Variants in MYO1E observed in about 807,000 individuals in gnomAD.
The protein encoded by MYO1E is unconventional myosin-Ie.
Under a neutral mutation model 151.1 loss-of-function variants are expected in MYO1E, and 68 were observed. The ratio of observed to expected loss-of-function variants is 0.45; its 90% CI spans 0.37 to 0.55. The LOEUF (loss-of-function observed/expected upper bound fraction) is 0.55, where lower values mean the gene tolerates loss of function less well. Ranked by LOEUF, MYO1E falls within the 20% of genes least tolerant of loss-of-function variation. The pLI is 0.00. For missense variants in MYO1E, 1,363 were observed against 1,389.3 expected (o/e 0.98, Z 0.30); for synonymous variants, 601 against 501.7 (o/e 1.20, Z -2.64).
intron 1 of MYO1E, among the ~76,000 whole-genome samples, chr15:59,275,187 T>C (rs1004386503): frequency 1.4e-4 from 21 of 152,194 alleles, no homozygotes; most frequent in African/African-American, 4.8e-4. Flanking sequence ...GACTGACTTA[T>C]TGGATATTTC....
chr15:59,243,015 G>A (rs990893164), intron 4 of MYO1E, among the ~76,000 whole-genome samples: 10 of 151,708 alleles, frequency 6.6e-5, no homozygotes, highest in African/African-American at 1.2e-4. Context: ...GGGGGCCAAC[G>A]GAGTTGGGAT....
At chr15:59,244,568 A>G (rs1253681214) in intron 4 of MYO1E, among the ~76,000 whole-genome samples, 2 of 152,170 alleles carry the variant, frequency 1.3e-5, no homozygotes, top group African/African-American at 2.4e-5. Context: ...GCACCTCATG[A>G]CTGAAAGTGG....
At chr15:59,359,326 AT>A (rs373414121) in intron 1 of MYO1E, among the ~76,000 whole-genome samples, 1,551 of 136,482 alleles carry the variant, frequency 0.011, 25 homozygotes, top group African/African-American at 0.04. Flanking sequence ...ATATATATAT[AT>A]TTTTTTTTTT....
intron 1 of MYO1E, among the ~76,000 whole-genome samples, chr15:59,327,353 G>A (rs1454362166): frequency 1.3e-5 from 2 of 150,782 alleles, no homozygotes; most frequent in Non-Finnish European, 2.9e-5. Flanking sequence ...CAGAGATGGG[G>A]TCTCACTCTA....
chr15:59,341,941 C>T (rs1370211969), intron 1 of MYO1E, among the ~76,000 whole-genome samples: 1 of 152,194 alleles, frequency 6.6e-6, no homozygotes, highest in African/African-American at 2.4e-5. Context: ...TAAGGAACCG[C>T]CCTTCTGTTC....
chr15:59,136,277 T>C lies in MYO1E; in HGVS notation c.*1103A>G, dbSNP rs769081178. ...AAGACTCTATTTCCAAATAAGGTCA[T>C]ATTGTGAGGTACTGGTGGCTGGGAC... is the stretch of plus-strand genomic sequence containing the variant. On this transcript the variant is annotated 3_prime_UTR_variant, in exon 28 of 28. Transcript: ENST00000288235. The C allele has an allele frequency of 3.8e-4, 60 of 158,194 alleles. No homozygotes were observed. Among genetic ancestry groups the C allele is most frequent in the Admixed American group, 6.7e-4 (11 of 16,506 alleles). 9.8% of individuals were successfully genotyped at this position (158,194 alleles called of 1,614,324 possible).
intron 1 of MYO1E, among the ~76,000 whole-genome samples, chr15:59,369,055 T>C (rs2080930347): frequency 6.6e-6 from 1 of 152,212 alleles, no homozygotes; most frequent in Non-Finnish European, 1.5e-5. Context: ...TTGTGTTGTT[T>C]TGACTAGGAG....
At chr15:59,202,856 C>G (rs1454987112) in intron 15 of MYO1E, among the ~76,000 whole-genome samples, 1 of 152,152 alleles carries the variant, frequency 6.6e-6, no homozygotes, top group Non-Finnish European at 1.5e-5. Context: ...ATCTTCCCAC[C>G]TCCGCCTCCT....
At chr15:59,145,671 C>T (rs2079437122) in intron 26 of MYO1E, among the ~76,000 whole-genome samples, 1 of 152,134 alleles carries the variant, frequency 6.6e-6, no homozygotes, top group Non-Finnish European at 1.5e-5. Flanking sequence ...GGATTACAGT[C>T]GTGAGCCACT....
chr15:59,182,700 T>C (rs1251353714), intron 18 of MYO1E, among the ~76,000 whole-genome samples: 1 of 152,188 alleles, frequency 6.6e-6, no homozygotes, highest in Non-Finnish European at 1.5e-5. Flanking sequence ...TTTCACAAAA[T>C]GCCTACTCAG....
rs1166617606 is a variant in MYO1E at position 59,174,206 on chromosome 15, T to C, written c.2084A>G (p.Tyr695Cys). 1 of 1,613,930 alleles carries C rather than the reference T, an allele frequency of 6.2e-7. No individual in the cohort carries two copies. ...CTGTATCACTCGAGCATACCCATCA[T>C]ACTTTCTCTCTCTCATCTCTTCTAA... ...FLLEEMRERK[Y>C]DGYARVIQKS... The change falls in exon 20 of 28, where the codon TAT becomes TGT. Residue 695 changes from tyrosine to cysteine, a missense_variant. By Grantham distance (194) the Tyr-to-Cys change is radical. Coordinates refer to ENST00000288235, the MANE Select transcript of MYO1E (RefSeq NM_004998.4).
chr15:59,231,601 A>G (rs779372930), intron 6 of MYO1E, 101 bp downstream of exon 6: 6 of 1,233,844 alleles, frequency 4.9e-6, no homozygotes, highest in Non-Finnish European at 7.2e-6. Flanking sequence ...CCTCCTGATG[A>G]TATGTGAAAG....
intron 12 of MYO1E, among the ~76,000 whole-genome samples, chr15:59,213,708 G>A (rs1019744469): frequency 1.3e-5 from 2 of 151,758 alleles, no homozygotes; most frequent in African/African-American, 4.8e-5. Context: ...CAATTCTCCC[G>A]ACTCGGCCTC....
At chr15:59,220,997 A>G (rs1312457774) in intron 9 of MYO1E, among the ~76,000 whole-genome samples, 12 of 145,800 alleles carry the variant, frequency 8.2e-5, no homozygotes, top group African/African-American at 3.0e-4. Flanking sequence ...TTATATATAT[A>G]ATTATATATA....
At chr15:59,185,107 A>G (rs928683952) in intron 18 of MYO1E, among the ~76,000 whole-genome samples, 6 of 151,832 alleles carry the variant, frequency 4.0e-5, no homozygotes, top group African/African-American at 1.5e-4. Flanking sequence ...GTCTCTTGAG[A>G]TCTTTTGCTC....
At chr15:59,188,046 G>T in intron 18 of MYO1E, 72 bp downstream of exon 18, 1 of 1,155,270 alleles carries the variant, frequency 8.7e-7, no homozygotes, top group South Asian at 1.2e-5. Flanking sequence ...CTTGAAGTGG[G>T]TGAATTGTAT....
intron 1 of MYO1E, among the ~76,000 whole-genome samples, chr15:59,359,333 T>A (rs1167095132): frequency 1.4e-5 from 2 of 147,648 alleles, no homozygotes; most frequent in South Asian, 2.1e-4. Context: ...TATATTTTTT[T>A]TTTTAATTAG....
At chr15:59,301,057 G>T (rs2080479856) in intron 1 of MYO1E, among the ~76,000 whole-genome samples, 2 of 151,676 alleles carry the variant, frequency 1.3e-5, no homozygotes, top group Admixed American at 6.6e-5. Flanking sequence ...TAGTAGACAT[G>T]GTGCTTCACC....
At chr15:59,211,199 C>CAAAAAAAAA (rs34629822) in intron 12 of MYO1E, among the ~76,000 whole-genome samples, 1 of 116,168 alleles carries the variant, frequency 8.6e-6, no homozygotes. Flanking sequence ...AACTCCAACT[C>CAAAAAAAAA]AAAAAAAAAA....
Sources: allele counts gnomAD v4.1 joint callset (sites outside exome capture counted in the v4.1 genomes callset), GRCh38; gene constraint gnomAD v4.1.1; transcripts MANE v1.5; gene names NCBI Gene and HGNC (gene_info 2026-07-23, HGNC 2026-07-21).